The following DPYD variants were observed in gnomAD, a reference collection of about 807,000 sequenced individuals.
DPYD encodes the protein dihydropyrimidine dehydrogenase, also known as dihydropyrimidine dehydrogenase [NADP(+)].
DPYD carries 109 observed loss-of-function variants against 116.2 expected under a neutral mutation model. The observed-to-expected ratio is 0.94, with a 90% CI of 0.80 to 1.10. DPYD has a LOEUF of 1.10. DPYD is among the 50% of genes least tolerant of loss of function. The pLI is 0.00. For missense variants in DPYD, 1,302 were observed against 1,254.5 expected (o/e 1.04, Z -0.57); for synonymous variants, 440 against 432.0 (o/e 1.02, Z -0.23).
At chr1:97,387,129 C>T (rs1057154452) in intron 14 of DPYD, among the ~76,000 whole-genome samples, 72 of 152,010 alleles carry the variant, frequency 4.7e-4, no homozygotes, top group African/African-American at 1.6e-3. Flanking sequence ...ATTTTTATGG[C>T]TCATATTTTA....
intron 13 of DPYD, among the ~76,000 whole-genome samples, chr1:97,503,008 A>C (rs899255052): frequency 8.6e-5 from 13 of 152,034 alleles, no homozygotes; most frequent in African/African-American, 3.1e-4. Context: ...ACTTTTCTCA[A>C]AACAAAGGGA....
intron 5 of DPYD, 137 bp from the exon 6 acceptor site, chr1:97,699,684 C>G: frequency 1.2e-6 from 1 of 845,918 alleles, no homozygotes; most frequent in Non-Finnish European, 1.9e-6. Flanking sequence ...GGTATACTTA[C>G]AACTTTTATT....
chr1:97,819,560 A>G (rs1381158234), intron 3 of DPYD, among the ~76,000 whole-genome samples: 1 of 152,038 alleles, frequency 6.6e-6, no homozygotes, highest in African/African-American at 2.4e-5. Context: ...ATACTATTAA[A>G]CAACCTGCTA....
intron 14 of DPYD, among the ~76,000 whole-genome samples, chr1:97,423,737 A>G (rs1238599091): frequency 6.6e-6 from 1 of 152,192 alleles, no homozygotes; most frequent in African/African-American, 2.4e-5. Context: ...GACATACTGC[A>G]GAATCTCTGC....
chr1:97,474,778 G>GA (rs1327675709), intron 13 of DPYD, among the ~76,000 whole-genome samples: 1 of 151,580 alleles, frequency 6.6e-6, no homozygotes, highest in African/African-American at 2.4e-5. Context: ...TAATCTGAAT[G>GA]AGATATATGT....
At chr1:97,711,798 TA>T (rs1662301738) in intron 5 of DPYD, among the ~76,000 whole-genome samples, 1 of 152,028 alleles carries the variant, frequency 6.6e-6, no homozygotes, top group Admixed American at 6.6e-5. Flanking sequence ...GTCAATATTA[TA>T]AAACTTTTTT....
intron 12 of DPYD, among the ~76,000 whole-genome samples, chr1:97,535,257 T>C (rs1295083662): frequency 6.6e-6 from 1 of 152,154 alleles, no homozygotes; most frequent in Non-Finnish European, 1.5e-5. Context: ...CTGGTCAAAA[T>C]TTCTAACTAG....
At chr1:97,391,784 T>G (rs1672718739) in intron 14 of DPYD, among the ~76,000 whole-genome samples, 1 of 151,992 alleles carries the variant, frequency 6.6e-6, no homozygotes, top group Non-Finnish European at 1.5e-5. Flanking sequence ...TCAAATCCAA[T>G]TTCAGGATAA....
intron 18 of DPYD, among the ~76,000 whole-genome samples, chr1:97,302,979 G>A (rs140177478): frequency 9.1e-4 from 139 of 152,078 alleles, no homozygotes; most frequent in African/African-American, 3.2e-3. Context: ...CCCAATGCAA[G>A]TCACTGTCCC....
At chr1:97,626,272 A>G (rs1271409621) in intron 8 of DPYD, among the ~76,000 whole-genome samples, 2 of 152,088 alleles carry the variant, frequency 1.3e-5, no homozygotes, top group Non-Finnish European at 2.9e-5. Context: ...CTAAGTTGCA[A>G]CTATTCTGAA....
At chr1:97,270,752 T>TGAGG (rs1664529552) in intron 18 of DPYD, among the ~76,000 whole-genome samples, 1 of 152,182 alleles carries the variant, frequency 6.6e-6, no homozygotes, top group Non-Finnish European at 1.5e-5. Flanking sequence ...CTTGCCTATT[T>TGAGG]AAACAGTTTA....
intron 3 of DPYD, among the ~76,000 whole-genome samples, chr1:97,757,272 C>G (rs1235490023): frequency 7.2e-5 from 11 of 152,090 alleles, no homozygotes; most frequent in Admixed American, 7.2e-4. Flanking sequence ...ACAGTGAGAT[C>G]AGGGGATCAG....
chr1:97,427,771 C>T (rs960389413), intron 14 of DPYD, among the ~76,000 whole-genome samples: 1 of 151,984 alleles, frequency 6.6e-6, no homozygotes, highest in Non-Finnish European at 1.5e-5. Flanking sequence ...ATTAATCCTG[C>T]CCCTTTGCCC....
intron 7 of DPYD, among the ~76,000 whole-genome samples, chr1:97,685,526 T>C (rs981486458): frequency 1.3e-5 from 2 of 152,118 alleles, no homozygotes; most frequent in African/African-American, 2.4e-5. Context: ...TAAAGAGTAT[T>C]CAAATAGGAA....
chr1:97,529,758 TTCTTTCTC>T (rs1438098736), intron 12 of DPYD, among the ~76,000 whole-genome samples: 16 of 135,522 alleles, frequency 1.2e-4, no homozygotes, highest in South Asian at 8.9e-4. Flanking sequence ...CTTCCTTTCT[TTCTTTCTC>T]TTTCTTCTTT....
chr1:97,631,549 AT>A (rs1336979699), intron 8 of DPYD, among the ~76,000 whole-genome samples: 1 of 152,078 alleles, frequency 6.6e-6, no homozygotes. Context: ...AAGAGAGCAA[AT>A]GTATAAAGCA....
At chr1:97,729,643 T>C (rs554059452) in intron 4 of DPYD, among the ~76,000 whole-genome samples, 1 of 152,166 alleles carries the variant, frequency 6.6e-6, no homozygotes, top group South Asian at 2.1e-4. Flanking sequence ...AACCATAAAA[T>C]ATCAATGACA....
intron 1 of DPYD, among the ~76,000 whole-genome samples, chr1:97,895,899 C>A (rs917132903): frequency 6.6e-6 from 1 of 151,610 alleles, no homozygotes; most frequent in Admixed American, 6.6e-5. Context: ...CAAGATATCC[C>A]AATTTTTTTA....
At chr1:97,213,925 C>A (rs1377898220) in intron 19 of DPYD, among the ~76,000 whole-genome samples, 1 of 152,128 alleles carries the variant, frequency 6.6e-6, no homozygotes, top group East Asian at 1.9e-4. Context: ...CCATTTTAGA[C>A]ACTTTTCTAG....
Sources: allele counts gnomAD v4.1 joint callset (sites outside exome capture counted in the v4.1 genomes callset), GRCh38; gene constraint gnomAD v4.1.1; transcripts MANE v1.5; gene names NCBI Gene and HGNC (gene_info 2026-07-23, HGNC 2026-07-21).